Variants in TACC2 observed in about 807,000 individuals in gnomAD.
TACC2 encodes transforming acidic coiled-coil containing protein 2.
A neutral mutation model predicts 227.3 loss-of-function variants in TACC2; 137 were observed. The observed-to-expected ratio is 0.60, with a 90% CI of 0.52 to 0.69. The LOEUF (loss-of-function observed/expected upper bound fraction) is 0.69. Ranked by LOEUF, TACC2 falls within the 30% of genes least tolerant of loss-of-function variation. The pLI is 0.00. For missense variants in TACC2, 3,470 were observed against 3,694.4 expected (o/e 0.94, Z 1.57); for synonymous variants, 1,523 against 1,487.5 (o/e 1.02, Z -0.55).
intron 7 of TACC2, chr10:122,163,655 G>A: frequency 2.1e-6 from 2 of 950,932 alleles, no homozygotes; most frequent in Non-Finnish European, 2.6e-6. Flanking sequence ...CGCACGCCCC[G>A]GGCAGAGCCG....
At chr10:122,126,834 C>T (rs1343226509) in intron 5 of TACC2, 1 of 152,204 alleles carries the variant, frequency 6.6e-6, no homozygotes, top group Non-Finnish European at 1.5e-5. Flanking sequence ...GCAGTTTGTT[C>T]TTCTGGTATC....
chr10:122,042,476 C>G (rs1405101715), intron 2 of TACC2, among the ~76,000 whole-genome samples: 2 of 152,120 alleles, frequency 1.3e-5, no homozygotes, highest in Non-Finnish European at 2.9e-5. Context: ...CTCCTGACCT[C>G]AAGTGATCCA....
chr10:122,238,255 T>A (rs796519582), intron 18 of TACC2, among the ~76,000 whole-genome samples: 37 of 152,342 alleles, frequency 2.4e-4, no homozygotes, highest in African/African-American at 6.7e-4. Context: ...TAAATGTATG[T>A]ACAATGCAAA....
intron 8 of TACC2, among the ~76,000 whole-genome samples, chr10:122,207,377 G>A (rs1456379999): frequency 6.6e-6 from 1 of 152,162 alleles, no homozygotes; most frequent in African/African-American, 2.4e-5. Flanking sequence ...CCCTGTGAGG[G>A]GCCCCGTGGA....
At chr10:122,097,597 G>A (rs1006593920) in intron 5 of TACC2, among the ~76,000 whole-genome samples, 1 of 152,048 alleles carries the variant, frequency 6.6e-6, no homozygotes, top group Non-Finnish European at 1.5e-5. Context: ...GGAGAAATGA[G>A]GCTGAGGATG....
chr10:122,123,795 G>A (rs1164742379), intron 5 of TACC2, among the ~76,000 whole-genome samples: 2 of 150,272 alleles, frequency 1.3e-5, no homozygotes, highest in Non-Finnish European at 2.9e-5. Context: ...CTTGAGTTGG[G>A]TTGCTGTAGA....
At chr10:122,101,216 C>T (rs1170454943) in intron 5 of TACC2, among the ~76,000 whole-genome samples, 2 of 152,074 alleles carry the variant, frequency 1.3e-5, no homozygotes, top group Non-Finnish European at 1.5e-5. Context: ...AGTTTCCTCA[C>T]CTGCAAAATG....
chr10:122,039,309 C>T (rs2073965659), intron 2 of TACC2, among the ~76,000 whole-genome samples: 1 of 152,102 alleles, frequency 6.6e-6, no homozygotes, highest in African/African-American at 2.4e-5. Context: ...ATCTTCTGGG[C>T]TTGTGGAAGG....
chr10:122,145,911 T>A, intron 7 of TACC2, among the ~76,000 whole-genome samples: 1 of 152,244 alleles, frequency 6.6e-6, no homozygotes, highest in East Asian at 1.9e-4. Flanking sequence ...TGTGGGTTGC[T>A]TCTGAATCTC....
intron 5 of TACC2, among the ~76,000 whole-genome samples, chr10:122,106,796 T>C (rs1354245210): frequency 6.6e-6 from 1 of 152,218 alleles, no homozygotes; most frequent in Non-Finnish European, 1.5e-5. Context: ...AGGTTTATCA[T>C]TGCACCAGCA....
chr10:122,053,043 A>G (rs1220486110), intron 3 of TACC2, among the ~76,000 whole-genome samples: 2 of 152,118 alleles, frequency 1.3e-5, no homozygotes, highest in African/African-American at 4.8e-5. Flanking sequence ...TTTAAAACCT[A>G]TTCGGTTCTG....
At chr10:122,134,903 T>A (rs2089262960) in intron 6 of TACC2, among the ~76,000 whole-genome samples, 1 of 152,208 alleles carries the variant, frequency 6.6e-6, no homozygotes, top group Non-Finnish European at 1.5e-5. Context: ...TGCCTGAGAC[T>A]GCATGTTTTA....
chr10:122,016,423 T>G (rs1956639048), intron 1 of TACC2, among the ~76,000 whole-genome samples: 1 of 151,862 alleles, frequency 6.6e-6, no homozygotes, highest in African/African-American at 2.4e-5. Context: ...GAAAATTAGC[T>G]GGGTGTGGTG....
intron 5 of TACC2, among the ~76,000 whole-genome samples, chr10:122,093,391 C>T (rs772269246): frequency 5.3e-5 from 8 of 152,204 alleles, no homozygotes; most frequent in Non-Finnish European, 1.0e-4. Flanking sequence ...CCACTCCGTT[C>T]TAAAATTACC....
chr10:122,227,411 T>A (rs950686943), intron 13 of TACC2, among the ~76,000 whole-genome samples: 12 of 152,186 alleles, frequency 7.9e-5, no homozygotes, highest in Admixed American at 6.5e-4. Flanking sequence ...AGAACAATGA[T>A]GATGGTGGTT....
Position 122,066,489 on chromosome 10 carries a change from G to A in TACC2, c.146+15939G>A, listed in dbSNP as rs1483409252. 2.6e-5 allele frequency among the ~76,000 whole-genome samples: 4 copies of A among 152,054 alleles called. No individual in the cohort carries two copies. The East Asian group carries it at 5.8e-4, about 22-fold the overall frequency. The stretch of plus-strand genomic sequence containing the variant: ...TTACCATGTTGGTCAGGGTGGTCTC[G>A]AACCCCTAACCTTGTGATCCGCCTG... On this transcript the variant is annotated intron_variant, in intron 3 of 22. Transcript: ENST00000369005.
Position 122,084,603 on chromosome 10 carries a change from T to G in TACC2, c.2103T>G (p.Leu701=). Residue 701 remains leucine (L), a synonymous_variant, in exon 4 of 23, where the codon CTT becomes CTG. Transcript: ENST00000369005. ...SGLQPKCPDT[L]QSREGLGRME... ...TGCAGCCCAAATGTCCTGACACCCT[T>G]CAGAGCAGGGAAGGATTGGGAAGAA... 1 of 1,613,842 alleles carries G rather than the reference T, an allele frequency of 6.2e-7. No individual in the cohort carries two copies. Among genetic ancestry groups the G allele is most frequent in the Non-Finnish European group, 8.5e-7 (1 of 1,180,040 alleles).
rs146152606 is a variant in TACC2 at position 122,132,972 on chromosome 10, G to A, written c.5699+238G>A. ...CCAGGAAGACCGTTTCCCCTGTCCC[G>A]GCCCCCAAGACATACAAGGGGCATT... On this transcript the variant is annotated intron_variant, in intron 6 of 22. Transcript: ENST00000369005. Among the ~76,000 whole-genome samples the A allele has an allele frequency of 2.4e-3, 361 of 152,106 alleles. 3 individuals carry two copies. Among genetic ancestry groups the A allele is most frequent in the African/African-American group, 8.4e-3 (347 of 41,480 alleles).
intron 1 of TACC2, among the ~76,000 whole-genome samples, chr10:122,008,261 A>T (rs1314702777): frequency 3.1e-5 from 2 of 65,172 alleles, no homozygotes; most frequent in African/African-American, 5.8e-5. Flanking sequence ...TATTATTATT[A>T]TTATTTTTTT....
Sources: gnomAD v4.1 joint callset for allele counts (sites outside exome capture counted in the v4.1 genomes callset) on GRCh38, gnomAD v4.1.1 for gene constraint, MANE v1.5 for transcripts, NCBI Gene and HGNC (gene_info 2026-07-23, HGNC 2026-07-21) for gene names.